Variants in MDGA2 observed in about 807,000 individuals in gnomAD.
The protein encoded by MDGA2 is MAM domain containing glycosylphosphatidylinositol anchor 2.
MDGA2 carries 40 observed loss-of-function variants against 117.8 expected under a neutral mutation model. The observed-to-expected ratio is 0.34, with a 90% CI of 0.26 to 0.44. The LOEUF (loss-of-function observed/expected upper bound fraction) is 0.44, where lower values mean the gene tolerates loss of function less well. Ranked by LOEUF, MDGA2 falls within the 20% of genes least tolerant of loss-of-function variation. MDGA2 has a pLI of 1.00. For missense variants in MDGA2, 1,123 were observed against 1,250.6 expected, an observed-to-expected ratio of 0.90 and a Z score of 1.54; for synonymous variants, 452 against 439.0, an observed-to-expected ratio of 1.03 and a Z score of -0.37.
At chr14:47,492,625 T>C (rs969329993) in intron 1 of MDGA2, among the ~76,000 whole-genome samples, 2 of 152,154 alleles carry the variant, frequency 1.3e-5, no homozygotes, top group African/African-American at 4.8e-5. Flanking sequence ...TTCATCACCA[T>C]AGACAAGTTA....
chr14:47,236,344 C>A (rs1274292752), intron 2 of MDGA2, among the ~76,000 whole-genome samples: 2 of 136,708 alleles, frequency 1.5e-5, no homozygotes, highest in Admixed American at 7.3e-5. Context: ...AGTGTTATTA[C>A]AAGATACTTT....
intron 1 of MDGA2, among the ~76,000 whole-genome samples, chr14:47,492,136 C>A (rs2138655573): frequency 6.6e-6 from 1 of 152,184 alleles, no homozygotes; most frequent in Non-Finnish European, 1.5e-5. Context: ...TTCCAAGAAC[C>A]CTCAAATGAA....
intron 9 of MDGA2, among the ~76,000 whole-genome samples, chr14:46,934,904 A>G (rs915153404): frequency 2.6e-5 from 4 of 152,210 alleles, no homozygotes; most frequent in Admixed American, 2.6e-4. Flanking sequence ...GACATGCTGC[A>G]TTTGGCTTTT....
chr14:47,058,461 C>T, intron 7 of MDGA2: 1 of 912,436 alleles, frequency 1.1e-6, no homozygotes, highest in South Asian at 5.1e-5. Context: ...ACTCACTCAT[C>T]CCATTTGTGT....
At chr14:47,231,638 A>AT (rs1886693933) in intron 2 of MDGA2, among the ~76,000 whole-genome samples, 1 of 152,002 alleles carries the variant, frequency 6.6e-6, no homozygotes, top group Admixed American at 6.6e-5. Flanking sequence ...TGAAATAGCA[A>AT]TGAAGAATAA....
intron 1 of MDGA2, among the ~76,000 whole-genome samples, chr14:47,352,415 T>C (rs1890903389): frequency 6.6e-6 from 1 of 151,888 alleles, no homozygotes; most frequent in African/African-American, 2.4e-5. Flanking sequence ...GTTTTAACCA[T>C]CCTGACTAAA....
In MDGA2 at chr14:47,448,525, G is replaced by T. The variant is rs190788792; in HGVS notation, c.281-146975C>A. Among the ~76,000 whole-genome samples, 16 of 152,208 alleles carry T rather than the reference G, an allele frequency of 1.1e-4. No individual in the cohort carries two copies. In the East Asian group the frequency reaches 2.9e-3, roughly 28 times the overall value. On this transcript the variant is annotated intron_variant, in intron 1 of 16. Coordinates refer to ENST00000399232, the MANE Select transcript of MDGA2 (RefSeq NM_001113498.3). ...CTTCTTGGAAGAGAAGAGGAGCTGA[G>T]ATTTAGTAATGAGGTTTGGAGAACT... is the stretch of plus-strand genomic sequence containing the variant.
Position 47,471,721 on chromosome 14 carries a change from G to A in MDGA2, c.281-170171C>T, listed in dbSNP as rs141873927. On this transcript the variant is annotated intron_variant, in intron 1 of 16. Transcript: ENST00000399232. ...TCTTAGTGGCATATTTACTCATTGG[G>A]AATTAATTTAGTAAAAAACTCTATG... Among the ~76,000 whole-genome samples the A allele has an allele frequency of 3.3e-4, 50 of 151,988 alleles. No homozygotes were observed. The East Asian group carries it at 3.9e-3, about 12-fold the overall frequency.
intron 8 of MDGA2, among the ~76,000 whole-genome samples, chr14:46,982,824 C>A (rs1886732373): frequency 6.6e-6 from 1 of 151,592 alleles, no homozygotes; most frequent in Non-Finnish European, 1.5e-5. Flanking sequence ...ATTGCCCTGG[C>A]CAGAACTTCC....
intron 5 of MDGA2, among the ~76,000 whole-genome samples, chr14:47,111,082 C>T (rs28562831): frequency 0.15 from 22,781 of 151,976 alleles, 1,841 homozygotes; most frequent in Non-Finnish European, 0.17. Flanking sequence ...CAATTATAGC[C>T]CTTAAAATGT....
chr14:47,547,764 G>A (rs998429230), intron 1 of MDGA2, among the ~76,000 whole-genome samples: 3 of 152,154 alleles, frequency 2.0e-5, no homozygotes, highest in East Asian at 1.9e-4. Context: ...GTATGACCAC[G>A]AACAAGTTAG....
intron 3 of MDGA2, among the ~76,000 whole-genome samples, chr14:47,187,941 C>T (rs1173668820): frequency 6.7e-6 from 1 of 149,404 alleles, no homozygotes; most frequent in Non-Finnish European, 1.5e-5. Flanking sequence ...GTGTGTGTGT[C>T]TTATTGCTCT....
chr14:47,577,552 T>C (rs1365529286), intron 1 of MDGA2, among the ~76,000 whole-genome samples: 5 of 151,964 alleles, frequency 3.3e-5, no homozygotes, highest in African/African-American at 1.2e-4. Flanking sequence ...GTGACAAAGG[T>C]CTAGTATCCA....
chr14:47,599,757 C>T (rs1896612504), intron 1 of MDGA2, among the ~76,000 whole-genome samples: 1 of 152,114 alleles, frequency 6.6e-6, no homozygotes, highest in African/African-American at 2.4e-5. Flanking sequence ...CTCTGCTGGT[C>T]AGTGAGTGGG....
At chr14:46,925,567 G>T (rs866206437) in intron 9 of MDGA2, among the ~76,000 whole-genome samples, 2 of 147,708 alleles carry the variant, frequency 1.4e-5, no homozygotes, top group South Asian at 2.1e-4. Flanking sequence ...GGGAGGCAGA[G>T]GTTGTAGTGA....
intron 8 of MDGA2, among the ~76,000 whole-genome samples, chr14:46,987,471 T>C (rs1016257588): frequency 6.6e-6 from 1 of 152,106 alleles, no homozygotes; most frequent in Non-Finnish European, 1.5e-5. Context: ...TTTATAGGTA[T>C]TCCTCCTTTA....
At chr14:46,980,085 GC>G (rs1210666375) in intron 8 of MDGA2, among the ~76,000 whole-genome samples, 1 of 152,148 alleles carries the variant, frequency 6.6e-6, no homozygotes, top group East Asian at 1.9e-4. Context: ...ATGCTCAATT[GC>G]CATTCCAAAA....
At chr14:47,041,376 G>A (rs759879806) in intron 7 of MDGA2, among the ~76,000 whole-genome samples, 4 of 151,894 alleles carry the variant, frequency 2.6e-5, no homozygotes, top group South Asian at 2.1e-4. Flanking sequence ...TAATGAAAAC[G>A]TATCAAATTT....
intron 3 of MDGA2, among the ~76,000 whole-genome samples, chr14:47,150,463 G>A (rs1594671303): frequency 6.6e-6 from 1 of 151,990 alleles, no homozygotes; most frequent in Non-Finnish European, 1.5e-5. Flanking sequence ...TCTCCACTGC[G>A]TAAAAGGAAC....
Sources: allele counts gnomAD v4.1 joint callset (sites outside exome capture counted in the v4.1 genomes callset), GRCh38; gene constraint gnomAD v4.1.1; transcripts MANE v1.5; gene names NCBI Gene and HGNC (gene_info 2026-07-23, HGNC 2026-07-21).